DCC: variants seen among roughly 807,000 people sequenced by gnomAD.
DCC encodes the protein netrin receptor DCC.
DCC carries 58 observed loss-of-function variants against 172.5 expected under a neutral mutation model. The observed-to-expected ratio is 0.34, with a 90% CI of 0.27 to 0.42. The LOEUF (loss-of-function observed/expected upper bound fraction) is 0.42, where lower values mean the gene tolerates loss of function less well. Among genes scored for constraint, DCC ranks in the 10% least tolerant of loss-of-function variants. The pLI is 1.00. For synonymous variants in DCC, 709 were observed against 644.5 expected (o/e 1.10, Z -1.52); for missense variants, 1,740 against 1,791.0 (o/e 0.97, Z 0.51).
intron 1 of DCC, among the ~76,000 whole-genome samples, chr18:52,604,805 C>A (rs112050535): frequency 0.018 from 2,472 of 140,866 alleles, 76 homozygotes; most frequent in African/African-American, 0.062. Flanking sequence ...ACATTTTATG[C>A]AGATTATACT....
chr18:53,065,590 T>A (rs2042554577), intron 6 of DCC, among the ~76,000 whole-genome samples: 1 of 152,154 alleles, frequency 6.6e-6, no homozygotes, highest in South Asian at 2.1e-4. Flanking sequence ...TTCCAGAAAA[T>A]ATCCAACTTT....
intron 27 of DCC, among the ~76,000 whole-genome samples, chr18:53,517,215 G>A (rs201656173): frequency 0.044 from 6,459 of 145,716 alleles, 399 homozygotes; most frequent in African/African-American, 0.14. Flanking sequence ...ACCAAACACC[G>A]CATATTCTCA....
At chr18:52,657,960 A>G (rs1004950906) in intron 1 of DCC, among the ~76,000 whole-genome samples, 27 of 152,152 alleles carry the variant, frequency 1.8e-4, no homozygotes, top group Non-Finnish European at 3.1e-4. Flanking sequence ...ATCATCTCAT[A>G]ATTCTACACT....
intron 27 of DCC, among the ~76,000 whole-genome samples, chr18:53,520,236 T>C (rs1193263192): frequency 2.0e-5 from 3 of 152,096 alleles, no homozygotes; most frequent in Non-Finnish European, 4.4e-5. Context: ...ACAGTAGCAG[T>C]GAGTCCATCA....
At chr18:53,478,907 G>A (rs562823372) in intron 25 of DCC, among the ~76,000 whole-genome samples, 43 of 152,312 alleles carry the variant, frequency 2.8e-4, no homozygotes, top group South Asian at 8.3e-4. Context: ...AGAGGGACTC[G>A]TCTGTGAGAC....
chr18:52,773,555 C>G (rs778833852), intron 2 of DCC, among the ~76,000 whole-genome samples: 3 of 150,656 alleles, frequency 2.0e-5, no homozygotes, highest in Admixed American at 6.6e-5. Context: ...GAGACAGAGT[C>G]TCGCTGTGTC....
intron 12 of DCC, among the ~76,000 whole-genome samples, chr18:53,253,474 T>C (rs2056465969): frequency 6.6e-6 from 1 of 152,070 alleles, no homozygotes; most frequent in South Asian, 2.1e-4. Flanking sequence ...TAAAGGTGAT[T>C]CTGAATGTCC....
rs1171620783 is a variant in DCC at position 53,534,831 on chromosome 18, TC to T, written c.*4179del. ...ATCAGCAAATGAATATTACTACTCA[TC>T]TGGACTCTTCGTTGCCACTATTGCA... On this transcript the variant is annotated 3_prime_UTR_variant, in exon 29 of 29. Coordinates refer to ENST00000442544, the MANE Select transcript of DCC (RefSeq NM_005215.4). The T allele has an allele frequency of 4.6e-5, 7 of 152,212 alleles. No individual in the cohort carries two copies. The highest frequency in any genetic ancestry group is 7.2e-5 in the African/African-American group (3 of 41,450). 9.4% of individuals were successfully genotyped at this position (152,212 alleles called of 1,614,324 possible). A position where few individuals can be genotyped will look rare whatever the true frequency, so the allele number is the denominator to read the frequency against.
rs1341716700 is a variant in DCC, at chr18:53,499,874, A to G, written c.4111+364A>G. 4.6e-5 allele frequency among the ~76,000 whole-genome samples: 7 copies of G among 152,226 alleles called. No individual in the cohort carries two copies. In the East Asian group the frequency reaches 1.2e-3, roughly 25 times the overall value. ...AGCGTTAAAGCTAGACTGCAAGACT[A>G]GATGTAAAGGTATAAAAATCTGCAA... On this transcript the variant is annotated intron_variant, in intron 27 of 28. Transcript: ENST00000442544.
intron 5 of DCC, among the ~76,000 whole-genome samples, chr18:52,994,445 T>C (rs911535353): frequency 2.0e-5 from 3 of 152,102 alleles, no homozygotes; most frequent in Non-Finnish European, 4.4e-5. Flanking sequence ...ATCAAATAAA[T>C]TGAGGAATTC....
chr18:53,191,401 G>A (rs535535437), intron 9 of DCC, among the ~76,000 whole-genome samples: 1 of 151,982 alleles, frequency 6.6e-6, no homozygotes, highest in Non-Finnish European at 1.5e-5. Flanking sequence ...GATATAATAT[G>A]TTTTGTATTT....
At chr18:53,327,437 G>C (rs1050466880) in intron 14 of DCC, among the ~76,000 whole-genome samples, 1 of 152,062 alleles carries the variant, frequency 6.6e-6, no homozygotes, top group African/African-American at 2.4e-5. Flanking sequence ...AACTGAGCTT[G>C]GAAATCTGTT....
chr18:52,696,318 T>A (rs1028199317), intron 1 of DCC, among the ~76,000 whole-genome samples: 2 of 152,184 alleles, frequency 1.3e-5, no homozygotes, highest in African/African-American at 2.4e-5. Flanking sequence ...TCCCTCTTCC[T>A]TCATTTCTCC....
chr18:52,642,049 GTGGTGTGTGTGTGTA>G (rs2034910909), intron 1 of DCC, among the ~76,000 whole-genome samples: 1 of 4,990 alleles, frequency 2.0e-4, no homozygotes, highest in Non-Finnish European at 6.0e-4. Flanking sequence ...TATATATACT[GTGGTGTGTGTGTGTA>G]TATATATATA....
intron 8 of DCC, among the ~76,000 whole-genome samples, chr18:53,176,658 T>C (rs1041369721): frequency 4.6e-5 from 7 of 152,106 alleles, no homozygotes; most frequent in African/African-American, 1.7e-4. Flanking sequence ...AGAATGGCAA[T>C]CACTAAAAAG....
chr18:53,007,965 A>T (rs537817415), intron 5 of DCC, among the ~76,000 whole-genome samples: 4 of 152,122 alleles, frequency 2.6e-5, no homozygotes, highest in Middle Eastern at 3.2e-3. Context: ...GAAACCATTA[A>T]ATAATCACTT....
At chr18:52,996,352 C>T (rs1315597864) in intron 5 of DCC, among the ~76,000 whole-genome samples, 9 of 152,020 alleles carry the variant, frequency 5.9e-5, no homozygotes, top group Admixed American at 5.9e-4. Flanking sequence ...CTACATTAAT[C>T]TTTTGAGGCC....
At chr18:52,586,082 C>CAAAAAAAAA (rs5824949) in intron 1 of DCC, among the ~76,000 whole-genome samples, 6 of 73,236 alleles carry the variant, frequency 8.2e-5, no homozygotes, top group Admixed American at 2.1e-4. Context: ...GACTCCGTCT[C>CAAAAAAAAA]AAAAAAAAAA....
intron 12 of DCC, among the ~76,000 whole-genome samples, chr18:53,299,773 A>C: frequency 6.6e-6 from 1 of 152,202 alleles, no homozygotes; most frequent in Non-Finnish European, 1.5e-5. Flanking sequence ...TAAGCAGAAA[A>C]GAATGTCCTC....
Sources: gnomAD v4.1 joint callset for allele counts (sites outside exome capture counted in the v4.1 genomes callset) on GRCh38, gnomAD v4.1.1 for gene constraint, MANE v1.5 for transcripts, NCBI Gene and HGNC (gene_info 2026-07-23, HGNC 2026-07-21) for gene names.